SLC7A10: variants seen among roughly 807,000 people sequenced by gnomAD.
SLC7A10 encodes the protein asc-type amino acid transporter 1.
Under a neutral mutation model 52.7 loss-of-function variants are expected in SLC7A10, and 30 were observed. That is an observed-to-expected ratio of 0.57 (90% CI 0.43 to 0.77). The LOEUF (loss-of-function observed/expected upper bound fraction) is 0.77, where lower values mean the gene tolerates loss of function less well. SLC7A10 is among the 30% of genes least tolerant of loss of function. The pLI is 0.00. For missense variants in SLC7A10, 581 were observed against 698.5 expected, an observed-to-expected ratio of 0.83 and a Z score of 1.90; for synonymous variants, 318 against 314.9, an observed-to-expected ratio of 1.01 and a Z score of -0.10.
rs576581181 is a variant in SLC7A10, at chr19:33,213,524, G to A, written c.357-522C>T. Among the ~76,000 whole-genome samples the A allele has an allele frequency of 1.2e-4, 18 of 152,234 alleles. 1 individual carries two copies. The highest frequency in any genetic ancestry group is 3.4e-4 in the African/African-American group (14 of 41,548). ...AGGATGGTCTTGATCTCCTGACCTC[G>A]TGATCCACCCGCCTCGGCCTCCCAA... On this transcript the variant is annotated intron_variant, in intron 2 of 10. Coordinates refer to ENST00000253188, the MANE Select transcript of SLC7A10 (RefSeq NM_019849.3).
At position 33,210,512 on chromosome 19, in the gene SLC7A10, C is replaced by T. The variant is rs754281582; in HGVS notation, c.1218G>A (p.Leu406=). Residue 406 remains leucine (L), a synonymous_variant, in exon 9 of 11, where the codon CTG becomes CTA. Transcript: ENST00000253188. This position sits in a 1 kb window ranked among gnomAD's most constrained non-coding sequence, Gnocchi z 5.6. ...CAGGCCGCCTCCAGCGCAGCAGCAG[C>T]AGGCCCAGGATGGTGACGCCGTAGC... ...YLCYGVTILG[L]LLLRWRRPAL... is the part of the protein sequence containing the mutation. The T allele has an allele frequency of 5.6e-6, 9 of 1,609,340 alleles. No homozygotes were observed. The highest frequency in any genetic ancestry group is 5.0e-5 in the Admixed American group (3 of 59,932).
At chr19:33,223,781 G>A (rs1255579404) in intron 1 of SLC7A10, among the ~76,000 whole-genome samples, 1 of 152,148 alleles carries the variant, frequency 6.6e-6, no homozygotes, top group African/African-American at 2.4e-5. Context: ...TTCAAGGTTT[G>A]GAGGCCAAGG....
chr19:33,221,819 G>A (rs1357760720), intron 1 of SLC7A10, among the ~76,000 whole-genome samples: 1 of 152,200 alleles, frequency 6.6e-6, no homozygotes, highest in Non-Finnish European at 1.5e-5. Context: ...GGAAGGGCCT[G>A]GTCAGCAGAC....
intron 1 of SLC7A10, among the ~76,000 whole-genome samples, chr19:33,222,631 G>A (rs1375182776): frequency 6.6e-6 from 1 of 152,078 alleles, no homozygotes; most frequent in Admixed American, 6.5e-5. Flanking sequence ...CTTGCAAGGT[G>A]GGCATGAGAT....
chr19:33,210,414 C>G lies in SLC7A10; in HGVS notation c.1263+53G>C. 1.3e-6 allele frequency: 2 copies of G among 1,539,538 alleles called. No individual in the cohort carries two copies. Among genetic ancestry groups the G allele is most frequent in the African/African-American group, 1.4e-5 (1 of 73,370 alleles). On this transcript the variant is annotated intron_variant, in intron 9 of 10. Transcript: ENST00000253188. The surrounding 1 kb of genome is among the most constrained non-coding windows in gnomAD (Gnocchi z 5.6). Reference sequence around the variant, plus strand: ...CTGCCCCTGGTGCCCACTGTGGATGCAGGGGTGGCTCTGGCAGCACCCGGC... The same window carrying G: ...CTGCCCCTGGTGCCCACTGTGGATGGAGGGGTGGCTCTGGCAGCACCCGGC...
At chr19:33,218,841 C>T (rs1974754054) in intron 1 of SLC7A10, among the ~76,000 whole-genome samples, 1 of 150,860 alleles carries the variant, frequency 6.6e-6, no homozygotes, top group Non-Finnish European at 1.5e-5. Context: ...TGGAAGGGGG[C>T]TGCCCTGGGT....
chr19:33,216,687 G>A (rs964813938), intron 1 of SLC7A10, among the ~76,000 whole-genome samples: 5 of 150,556 alleles, frequency 3.3e-5, no homozygotes, highest in African/African-American at 1.2e-4. Context: ...CAATTCTCCT[G>A]CCTCAGCCTT....
chr19:33,215,917 C>G lies in SLC7A10; in HGVS notation c.208G>C (p.Gly70Arg), dbSNP rs776824305. 3 of 1,610,156 alleles carry G rather than the reference C, an allele frequency of 1.9e-6. No homozygotes were observed. The highest frequency in any genetic ancestry group is 2.5e-6 in the Non-Finnish European group (3 of 1,178,408). Residue 70 changes from glycine (G) to arginine (R), a missense_variant, in exon 2 of 11, where the codon GGC becomes CGC. Gly to Arg is a moderately radical substitution (Grantham distance 125). Transcript: ENST00000253188. ...ACGAACAGGGCCAGACCCACGGAGC[C>G]TGAGTGCTCCAGGACCCCCTTGGGC... ...ISPKGVLEHS[G>R]SVGLALFVWV...
In SLC7A10 at chr19:33,210,914, G is replaced by A. The variant is rs747213106; in HGVS notation, c.1017-16C>T. On this transcript the variant is annotated splice_polypyrimidine_tract_variant and intron_variant, in intron 7 of 10. Coordinates refer to ENST00000253188, the MANE Select transcript of SLC7A10 (RefSeq NM_019849.3). This position sits in a 1 kb window ranked among gnomAD's most constrained non-coding sequence, Gnocchi z 5.6. ...GAAGCACAGCCTAGCGTTGGGGACAGATATGGGCACTGGCCACATCCTGGG... is the reference window on the plus strand; with the variant it reads ...GAAGCACAGCCTAGCGTTGGGGACAAATATGGGCACTGGCCACATCCTGGG... 1.5e-5 allele frequency: 24 copies of A among 1,611,060 alleles called. No homozygotes were observed. The South Asian group carries it at 2.6e-4, about 18-fold the overall frequency.
At chr19:33,211,672 T>C in intron 5 of SLC7A10, 135 bp from the exon 6 acceptor site, 1 of 1,502,732 alleles carries the variant, frequency 6.7e-7, no homozygotes, top group Middle Eastern at 2.0e-4. Context: ...GGGGGCAGCA[T>C]TGCTGCCCGA....
rs994590319 is a variant in SLC7A10 at position 33,208,678 on chromosome 19, GTTTA to G, written c.*209_*212del. ...ATAGCACGAGCGAACAGCCAGCCCT[GTTTA>G]TTTATAGGCCTTTTCAGGAAGAGCT... On this transcript the variant is annotated 3_prime_UTR_variant, in exon 11 of 11. Coordinates refer to ENST00000253188, the MANE Select transcript of SLC7A10 (RefSeq NM_019849.3). This position sits in a 1 kb window ranked among gnomAD's most constrained non-coding sequence, Gnocchi z 4.7. 1.8e-4 allele frequency: 114 copies of G among 640,046 alleles called. No individual in the cohort carries two copies. Among genetic ancestry groups the G allele is most frequent in the Non-Finnish European group, 2.8e-4 (105 of 375,386 alleles). 39.6% of individuals were successfully genotyped at this position (640,046 alleles called of 1,614,324 possible). A position where few individuals can be genotyped will look rare whatever the true frequency, so the allele number is the denominator to read the frequency against.
At chr19:33,213,872 G>A (rs763832808) in intron 2 of SLC7A10, among the ~76,000 whole-genome samples, 9 of 152,158 alleles carry the variant, frequency 5.9e-5, no homozygotes, top group African/African-American at 9.7e-5. Flanking sequence ...CTGTTCTCAG[G>A]GGCTTTCCTG....
intron 1 of SLC7A10, among the ~76,000 whole-genome samples, chr19:33,219,345 T>C (rs936972959): frequency 2.0e-5 from 3 of 152,256 alleles, no homozygotes; most frequent in African/African-American, 7.2e-5. Context: ...CCGTGGCCGC[T>C]GCGGTGCATG....
At chr19:33,218,072 G>T (rs886953949) in intron 1 of SLC7A10, among the ~76,000 whole-genome samples, 2 of 152,200 alleles carry the variant, frequency 1.3e-5, no homozygotes, top group Non-Finnish European at 2.9e-5. Context: ...GAAAGCCAGG[G>T]AGGTTGGAAG....
chr19:33,208,852 A>G lies in SLC7A10; in HGVS notation c.*39T>C, dbSNP rs1255003007. The G allele has an allele frequency of 2.1e-5, 33 of 1,581,676 alleles. No homozygotes were observed. The highest frequency in any genetic ancestry group is 2.8e-5 in the Non-Finnish European group (32 of 1,160,070). The stretch of plus-strand genomic sequence containing the variant: ...CCAAAACACCTCCTCAATAAACAAC[A>G]TGTAAACAGAAACAACTGCTTCAGT... On this transcript the variant is annotated 3_prime_UTR_variant, in exon 11 of 11. Transcript: ENST00000253188. The surrounding 1 kb of genome is among the most constrained non-coding windows in gnomAD (Gnocchi z 4.7).
At chr19:33,215,631 C>T (rs76745277) in intron 2 of SLC7A10, 138 bp downstream of exon 2, 2 of 444,186 alleles carry the variant, frequency 4.5e-6, no homozygotes, top group African/African-American at 3.1e-5. Context: ...TCTCCATCCA[C>T]CCCCCACACC....
At chr19:33,225,039 G>A (rs1028756987) in intron 1 of SLC7A10, among the ~76,000 whole-genome samples, 33 of 152,228 alleles carry the variant, frequency 2.2e-4, no homozygotes, top group African/African-American at 7.7e-4. Context: ...CGCAGGCTGC[G>A]CTTGCTCACT....
chr19:33,218,684 T>TCTTTCTTTCTTTCTTTC lies in SLC7A10; in HGVS notation c.152-2712_152-2711insGAAAGAAAGAAAGAAAG, dbSNP rs1456336386. ...GGATTTCTTTCTTTCTTTCTTTCTT[T>TCTTTCTTTCTTTCTTTC]TTTTTTTTTTTTTAGTAGAGATGGG... On this transcript the variant is annotated intron_variant, in intron 1 of 10. Coordinates refer to ENST00000253188, the MANE Select transcript of SLC7A10 (RefSeq NM_019849.3). Among the ~76,000 whole-genome samples, 131 of 48,656 alleles carry TCTTTCTTTCTTTCTTTC rather than the reference T, an allele frequency of 2.7e-3. 4 individuals carry two copies. Among genetic ancestry groups the TCTTTCTTTCTTTCTTTC allele is most frequent in the African/African-American group, 4.8e-3 (85 of 17,542 alleles). The allele number at this position is 48,656 out of a possible 152,430, so 31.9% of individuals were successfully genotyped here.
chr19:33,211,474 G>A lies in SLC7A10; in HGVS notation c.852C>T (p.Asn284=). 2.5e-6 allele frequency: 4 copies of A among 1,614,144 alleles called. No individual in the cohort carries two copies. The highest frequency in any genetic ancestry group is 1.3e-5 in the African/African-American group (1 of 75,048). Residue 284 remains asparagine (N), a synonymous_variant, in exon 6 of 11, where the codon AAC becomes AAT. Transcript: ENST00000253188. ...PLVTFVYTFT[N]IAYFTAMSPQ... The stretch of plus-strand genomic sequence containing the variant: ...GGGACATGGCCGTGAAGTAGGCAAT[G>A]TTGGTGAACGTGTACACGAAGGTCA...
Sources: allele counts gnomAD v4.1 joint callset (sites outside exome capture counted in the v4.1 genomes callset), GRCh38; gene constraint gnomAD v4.1.1; non-coding constraint Gnocchi (gnomAD v3.1); transcripts MANE v1.5; gene names NCBI Gene and HGNC (gene_info 2026-07-23, HGNC 2026-07-21).